The following LRFN2 variants were observed in gnomAD, a reference collection of about 807,000 sequenced individuals.
LRFN2 encodes leucine-rich repeat and fibronectin type-III domain-containing protein 2.
LRFN2 carries 18 observed loss-of-function variants against 37.3 expected under a neutral mutation model. The ratio of observed to expected loss-of-function variants is 0.48; its 90% CI spans 0.33 to 0.72. The LOEUF is 0.72. LRFN2 is among the 30% of genes least tolerant of loss of function. The probability of loss-of-function intolerance (pLI) is 0.02; values close to 1 mark genes in which losing one functional copy is unlikely to be tolerated. For missense variants in LRFN2, 1,006 were observed against 1,060.7 expected (o/e 0.95, Z 0.72); for synonymous variants, 556 against 466.6 (o/e 1.19, Z -2.47).
intron 1 of LRFN2, among the ~76,000 whole-genome samples, chr6:40,586,272 G>A (rs1169363336): frequency 6.6e-6 from 1 of 152,134 alleles, no homozygotes; most frequent in Non-Finnish European, 1.5e-5. Context: ...GGGAGACAGA[G>A]ACCTAGGAAC....
At chr6:40,434,051 A>G (rs1347790800) in intron 1 of LRFN2, among the ~76,000 whole-genome samples, 1 of 152,180 alleles carries the variant, frequency 6.6e-6, no homozygotes, top group Non-Finnish European at 1.5e-5. Flanking sequence ...GCCCCGCTGC[A>G]TAGCCCTCTT....
At chr6:40,452,122 G>A (rs193153335) in intron 1 of LRFN2, among the ~76,000 whole-genome samples, 125 of 152,294 alleles carry the variant, frequency 8.2e-4, no homozygotes, top group Admixed American at 2.4e-3. Context: ...AAGACTCTAG[G>A]AGGATGTCCG....
At chr6:40,505,090 A>G (rs1765497564) in intron 1 of LRFN2, among the ~76,000 whole-genome samples, 1 of 152,226 alleles carries the variant, frequency 6.6e-6, no homozygotes, top group African/African-American at 2.4e-5. Flanking sequence ...TCGGCAAAGC[A>G]GCCAGTGGGC....
intron 2 of LRFN2, among the ~76,000 whole-genome samples, chr6:40,397,076 G>A (rs1762631759): frequency 6.6e-6 from 1 of 152,174 alleles, no homozygotes; most frequent in African/African-American, 2.4e-5. Context: ...AGACACTTCT[G>A]CCTCCAGGCA....
Position 40,574,798 on chromosome 6 carries a change from GA to G in LRFN2, c.-19+12142del, listed in dbSNP as rs559737496. On this transcript the variant is annotated intron_variant, in intron 1 of 2. Coordinates refer to ENST00000338305, the MANE Select transcript of LRFN2 (RefSeq NM_020737.3). The stretch of plus-strand genomic sequence containing the variant: ...TTCACAGCAGGGCCACGGAAGTGAA[GA>G]TGTGCAGGGCTGCACTCTGCCAAGG... Among the ~76,000 whole-genome samples, 912 of 152,280 alleles carry G rather than the reference GA, an allele frequency of 6.0e-3. 8 individuals are homozygous for G. The highest frequency in any genetic ancestry group is 0.02 in the African/African-American group (849 of 41,562).
At chr6:40,502,567 C>T (rs61191007) in intron 1 of LRFN2, among the ~76,000 whole-genome samples, 5,644 of 152,230 alleles carry the variant, frequency 0.037, 344 homozygotes, top group African/African-American at 0.12. Flanking sequence ...CTTCCTGGAA[C>T]GATGGGGAAT....
chr6:40,465,113 T>G (rs1308867442), intron 1 of LRFN2, among the ~76,000 whole-genome samples: 1 of 152,022 alleles, frequency 6.6e-6, no homozygotes, highest in East Asian at 1.9e-4. Flanking sequence ...AGTGATGCAA[T>G]GTGAGAAGAA....
chr6:40,569,311 G>A (rs377735872), intron 1 of LRFN2, among the ~76,000 whole-genome samples: 1 of 152,158 alleles, frequency 6.6e-6, no homozygotes, highest in African/African-American at 2.4e-5. Flanking sequence ...TGGTACATTC[G>A]AGGCATTTAG....
At position 40,392,467 on chromosome 6, in the gene LRFN2, C is replaced by T; in HGVS notation, c.1846G>A (p.Ala616Thr). 6.4e-7 allele frequency: 1 copy of T among 1,569,318 alleles called. No homozygotes were observed. The highest frequency in any genetic ancestry group is 8.6e-7 in the Non-Finnish European group (1 of 1,157,450). The change falls in exon 3 of 3, where the codon GCC (alanine) becomes ACC (threonine). Residue 616 changes from alanine (A) to threonine (T), a missense_variant. Ala to Thr is a moderately conservative substitution (Grantham distance 58). Coordinates refer to ENST00000338305, the MANE Select transcript of LRFN2 (RefSeq NM_020737.3). This position sits in a 1 kb window ranked among gnomAD's most constrained non-coding sequence, Gnocchi z 4.7. ...NELLDFTASL[A>T]RASDSSSSSS... ...GAGGAAGAGGAGTCACTGGCGCGGG[C>T]CAGGCTGGCGGTGAAGTCCAGGAGC...
chr6:40,526,070 A>G (rs931314274), intron 1 of LRFN2, among the ~76,000 whole-genome samples: 2 of 152,248 alleles, frequency 1.3e-5, no homozygotes, highest in South Asian at 4.1e-4. Context: ...GGCTATGTGC[A>G]GGGCACAGTT....
chr6:40,545,334 G>A (rs1405607695), intron 1 of LRFN2, among the ~76,000 whole-genome samples: 1 of 152,208 alleles, frequency 6.6e-6, no homozygotes, highest in Non-Finnish European at 1.5e-5. Context: ...GTGTGGTTGG[G>A]CTGGGCAGGG....
intron 2 of LRFN2, among the ~76,000 whole-genome samples, chr6:40,403,469 T>C (rs1457890727): frequency 6.6e-6 from 1 of 152,162 alleles, no homozygotes; most frequent in African/African-American, 2.4e-5. Context: ...CTTCTGCCCT[T>C]GTGGCTCCTG....
At chr6:40,559,974 C>T (rs911809013) in intron 1 of LRFN2, among the ~76,000 whole-genome samples, 3 of 152,168 alleles carry the variant, frequency 2.0e-5, no homozygotes, top group African/African-American at 7.2e-5. Context: ...CGAGTTCTAA[C>T]CATCTGCCCA....
chr6:40,476,816 C>A (rs189530117), intron 1 of LRFN2, among the ~76,000 whole-genome samples: 1 of 152,218 alleles, frequency 6.6e-6, no homozygotes, highest in Non-Finnish European at 1.5e-5. Flanking sequence ...GAACAGGCCT[C>A]GGATGTTGGT....
At chr6:40,468,472 G>A (rs971175772) in intron 1 of LRFN2, among the ~76,000 whole-genome samples, 7 of 152,146 alleles carry the variant, frequency 4.6e-5, no homozygotes, top group African/African-American at 1.7e-4. Context: ...TTGAATGGGC[G>A]GAACTGGGCT....
chr6:40,576,468 C>T (rs955985565), intron 1 of LRFN2, among the ~76,000 whole-genome samples: 4 of 152,168 alleles, frequency 2.6e-5, no homozygotes, highest in East Asian at 1.9e-4. Context: ...GGCATTGCAG[C>T]GCAGCAGCAT....
intron 1 of LRFN2, among the ~76,000 whole-genome samples, chr6:40,447,037 G>A (rs964531977): frequency 6.6e-6 from 1 of 151,694 alleles, no homozygotes; most frequent in Non-Finnish European, 1.5e-5. Context: ...CTCAGACTGG[G>A]GCTCCCTGAG....
At chr6:40,544,317 C>T (rs1766614514) in intron 1 of LRFN2, among the ~76,000 whole-genome samples, 1 of 152,202 alleles carries the variant, frequency 6.6e-6, no homozygotes, top group Non-Finnish European at 1.5e-5. Flanking sequence ...TTATTGAGGC[C>T]TGTTGTTGGT....
chr6:40,574,787 A>C (rs767176982), intron 1 of LRFN2, among the ~76,000 whole-genome samples: 22 of 151,992 alleles, frequency 1.4e-4, no homozygotes, highest in Non-Finnish European at 3.1e-4. Flanking sequence ...CAGCAGGGCC[A>C]CGGAAGTGAA....
Sources: allele counts gnomAD v4.1 joint callset (sites outside exome capture counted in the v4.1 genomes callset), GRCh38; gene constraint gnomAD v4.1.1; non-coding constraint Gnocchi (gnomAD v3.1); transcripts MANE v1.5; gene names NCBI Gene and HGNC (gene_info 2026-07-23, HGNC 2026-07-21).